WWOX: variants seen among roughly 807,000 people sequenced by gnomAD.
The protein encoded by WWOX is WW domain-containing oxidoreductase.
A neutral mutation model predicts 46.2 loss-of-function variants in WWOX; 69 were observed. That is an observed-to-expected ratio of 1.49 (90% CI 1.23 to 1.82). The LOEUF is 1.82. Ranked by LOEUF, WWOX falls within the 40% of genes most tolerant of loss-of-function variation. The probability of loss-of-function intolerance (pLI) is 0.00; values close to 1 mark genes in which losing one functional copy is unlikely to be tolerated. For synonymous variants in WWOX, 359 were observed against 202.6 expected, an observed-to-expected ratio of 1.77 and a Z score of -6.56; for missense variants, 919 against 542.6, an observed-to-expected ratio of 1.69 and a Z score of -6.89.
chr16:78,223,811 A>C (rs1412052284), intron 5 of WWOX, among the ~76,000 whole-genome samples: 3 of 152,168 alleles, frequency 2.0e-5, no homozygotes, highest in African/African-American at 7.2e-5. Flanking sequence ...GAGTTTCCAA[A>C]ACAGCAGCAC....
rs546422263 is a variant in WWOX at position 78,972,226 on chromosome 16, AAG to A, written c.1057-239379_1057-239378del. ...CCGTGCTTGGAGGGGCGTTCAGACA[AAG>A]AGCCAAATTTAAATTCATGTAATGT... On this transcript the variant is annotated intron_variant, in intron 8 of 8. Transcript: ENST00000566780. Among the ~76,000 whole-genome samples, 7 of 152,258 alleles carry A rather than the reference AAG, an allele frequency of 4.6e-5. No individual in the cohort carries two copies. The South Asian group carries it at 1.0e-3, about 23-fold the overall frequency.
chr16:78,621,403 C>A (rs1454495544), intron 8 of WWOX, among the ~76,000 whole-genome samples: 1 of 151,850 alleles, frequency 6.6e-6, no homozygotes, highest in Non-Finnish European at 1.5e-5. Flanking sequence ...CCCCTTTCAC[C>A]TCTCCCCTGG....
intron 3 of WWOX, among the ~76,000 whole-genome samples, chr16:78,113,390 A>G (rs576467075): frequency 6.6e-6 from 1 of 152,104 alleles, no homozygotes; most frequent in African/African-American, 2.4e-5. Context: ...CAATGATTCA[A>G]CTCTGCCTTT....
At chr16:78,842,742 C>T (rs924143782) in intron 8 of WWOX, among the ~76,000 whole-genome samples, 5 of 150,954 alleles carry the variant, frequency 3.3e-5, no homozygotes, top group Non-Finnish European at 7.4e-5. Context: ...GCCGCAGCTA[C>T]TCAGGAGGCT....
At chr16:78,270,615 A>C (rs1372865530) in intron 5 of WWOX, 1 of 152,182 alleles carries the variant, frequency 6.6e-6, no homozygotes, top group East Asian at 1.9e-4. Flanking sequence ...TCTGTATCTG[A>C]TCCTGGGTCT....
At chr16:78,304,253 A>T (rs1305471221) in intron 5 of WWOX, among the ~76,000 whole-genome samples, 1 of 152,248 alleles carries the variant, frequency 6.6e-6, no homozygotes, top group African/African-American at 2.4e-5. Context: ...TTTCTAATGC[A>T]TAGGCCTTTA....
chr16:78,555,514 G>A (rs531709307), intron 8 of WWOX, among the ~76,000 whole-genome samples: 8 of 151,684 alleles, frequency 5.3e-5, no homozygotes, highest in African/African-American at 9.7e-5. Flanking sequence ...TCGATGTCTC[G>A]GGGCTTCTGT....
intron 8 of WWOX, among the ~76,000 whole-genome samples, chr16:78,727,376 C>T (rs2048861495): frequency 6.6e-6 from 1 of 152,186 alleles, no homozygotes; most frequent in South Asian, 2.1e-4. Context: ...CAGAGCAAGA[C>T]TCCATCTCAA....
chr16:79,017,641 T>C (rs2047445085), intron 8 of WWOX, among the ~76,000 whole-genome samples: 1 of 152,090 alleles, frequency 6.6e-6, no homozygotes, highest in South Asian at 2.1e-4. Context: ...GGCCGTGTTC[T>C]GATAAAAGTT....
At chr16:78,865,537 G>C (rs1469035685) in intron 8 of WWOX, among the ~76,000 whole-genome samples, 1 of 152,098 alleles carries the variant, frequency 6.6e-6, no homozygotes, top group Non-Finnish European at 1.5e-5. Flanking sequence ...TAATTCCTTA[G>C]ATTGCTGTGA....
intron 8 of WWOX, among the ~76,000 whole-genome samples, chr16:78,887,508 C>G (rs1395605335): frequency 8.0e-6 from 1 of 124,396 alleles, no homozygotes; most frequent in East Asian, 2.6e-4. Flanking sequence ...CACACACACA[C>G]ACACACACAC....
chr16:79,065,664 C>G lies in WWOX; in HGVS notation c.1057-145944C>G, dbSNP rs78574999. On this transcript the variant is annotated intron_variant, in intron 8 of 8. Coordinates refer to ENST00000566780, the MANE Select transcript of WWOX (RefSeq NM_016373.4). ...ACATCTTAGCTGAATTCAGACCCCTCTCCTAATCCTAACCTTGTGGCCTTT... is the reference window on the plus strand; with the variant it reads ...ACATCTTAGCTGAATTCAGACCCCTGTCCTAATCCTAACCTTGTGGCCTTT... 9.8e-3 allele frequency among the ~76,000 whole-genome samples: 1,492 copies of G among 152,326 alleles called. 28 individuals are homozygous for G. Among genetic ancestry groups the G allele is most frequent in the African/African-American group, 0.034 (1,427 of 41,576 alleles).
intron 4 of WWOX, among the ~76,000 whole-genome samples, chr16:78,133,766 C>T (rs1012850490): frequency 2.0e-5 from 3 of 152,176 alleles, no homozygotes; most frequent in Non-Finnish European, 2.9e-5. Context: ...AATCAGACTG[C>T]TAGAACCTCC....
chr16:78,821,182 G>C (rs1456307430), intron 8 of WWOX, among the ~76,000 whole-genome samples: 1 of 152,112 alleles, frequency 6.6e-6, no homozygotes, highest in Non-Finnish European at 1.5e-5. Context: ...TCTCTGTGTT[G>C]GGAATTGTGG....
At chr16:78,433,900 C>G (rs970466612) in intron 8 of WWOX, among the ~76,000 whole-genome samples, 1 of 150,064 alleles carries the variant, frequency 6.7e-6, no homozygotes, top group African/African-American at 2.5e-5. Flanking sequence ...CGCCATTCTC[C>G]TGCCTCAGCC....
At chr16:79,007,104 A>T (rs1325784454) in intron 8 of WWOX, among the ~76,000 whole-genome samples, 1 of 152,150 alleles carries the variant, frequency 6.6e-6, no homozygotes, top group African/African-American at 2.4e-5. Context: ...CCAAGCAGAG[A>T]GGTCACAATA....
chr16:78,583,427 G>T (rs1567660747), intron 8 of WWOX, among the ~76,000 whole-genome samples: 2 of 152,104 alleles, frequency 1.3e-5, no homozygotes, highest in African/African-American at 2.4e-5. Flanking sequence ...TATCTTCAAA[G>T]GAATTTAGAA....
chr16:79,166,236 C>T (rs1395364827), intron 8 of WWOX, among the ~76,000 whole-genome samples: 1 of 152,104 alleles, frequency 6.6e-6, no homozygotes, highest in Non-Finnish European at 1.5e-5. Context: ...CACTGAGTTG[C>T]CTCCCCACCT....
chr16:78,146,454 C>T (rs921192877), intron 4 of WWOX, among the ~76,000 whole-genome samples: 1 of 152,124 alleles, frequency 6.6e-6, no homozygotes, highest in Non-Finnish European at 1.5e-5. Context: ...GTCGAGTCTC[C>T]AGAAGTCATG....
Sources: allele counts gnomAD v4.1 joint callset (sites outside exome capture counted in the v4.1 genomes callset), GRCh38; gene constraint gnomAD v4.1.1; transcripts MANE v1.5; gene names NCBI Gene and HGNC (gene_info 2026-07-23, HGNC 2026-07-21).